TRAPPC9: variants seen among roughly 807,000 people sequenced by gnomAD.
TRAPPC9 encodes IKK2 binding protein.
In TRAPPC9, 83 loss-of-function variants were observed where a neutral mutation model predicts 124.0. That is an observed-to-expected ratio of 0.67 (90% CI 0.56 to 0.80). The LOEUF (loss-of-function observed/expected upper bound fraction) is 0.80. TRAPPC9 is among the 30% of genes least tolerant of loss of function. The pLI is 0.00. For missense variants in TRAPPC9, 1,302 were observed against 1,508.3 expected (o/e 0.86, Z 2.27); for synonymous variants, 638 against 617.5 (o/e 1.03, Z -0.49).
intron 18 of TRAPPC9, among the ~76,000 whole-genome samples, chr8:139,999,710 A>G (rs1350709771): frequency 6.6e-6 from 1 of 152,162 alleles, no homozygotes; most frequent in Non-Finnish European, 1.5e-5. Flanking sequence ...AAAGCATACA[A>G]AGTATCTTCT....
At chr8:140,153,857 C>T (rs371690025) in intron 17 of TRAPPC9, among the ~76,000 whole-genome samples, 4 of 152,112 alleles carry the variant, frequency 2.6e-5, no homozygotes, top group Non-Finnish European at 5.9e-5. Flanking sequence ...TCTCTCCATT[C>T]GCATCTTTTG....
chr8:140,306,753 C>T (rs2066149172), intron 10 of TRAPPC9, among the ~76,000 whole-genome samples: 1 of 152,218 alleles, frequency 6.6e-6, no homozygotes, highest in Non-Finnish European at 1.5e-5. Context: ...AGAGAACATG[C>T]AGTTCATAAA....
chr8:140,109,938 T>C (rs2060733124), intron 17 of TRAPPC9, among the ~76,000 whole-genome samples: 1 of 152,146 alleles, frequency 6.6e-6, no homozygotes, highest in South Asian at 2.1e-4. Context: ...ACTTAAATCC[T>C]TCATGCTGAA....
At chr8:140,388,457 G>C (rs2068822459) in intron 7 of TRAPPC9, among the ~76,000 whole-genome samples, 1 of 151,938 alleles carries the variant, frequency 6.6e-6, no homozygotes, top group Non-Finnish European at 1.5e-5. Context: ...GCCAAGGCGG[G>C]CGGATCACCT....
intron 19 of TRAPPC9, among the ~76,000 whole-genome samples, chr8:139,948,852 G>A (rs773277194): frequency 4.6e-5 from 7 of 152,136 alleles, no homozygotes; most frequent in Admixed American, 6.5e-5. Context: ...ATGAGGTGGC[G>A]GATCACTTGA....
chr8:140,159,175 T>A (rs1239012887), intron 17 of TRAPPC9, among the ~76,000 whole-genome samples: 2 of 152,204 alleles, frequency 1.3e-5, no homozygotes, highest in Admixed American at 6.5e-5. Context: ...TTCCTCTGCC[T>A]TTTTCTTTTG....
intron 21 of TRAPPC9, among the ~76,000 whole-genome samples, chr8:139,804,629 G>A (rs190736691): frequency 0.01 from 346 of 34,554 alleles, 21 homozygotes; most frequent in African/African-American, 0.049. Flanking sequence ...ACCCACCACC[G>A]CCACCAAGCA....
intron 9 of TRAPPC9, among the ~76,000 whole-genome samples, chr8:140,335,684 G>C (rs1476593858): frequency 6.7e-6 from 1 of 149,244 alleles, no homozygotes; most frequent in Non-Finnish European, 1.5e-5. Context: ...TCACTCTTAA[G>C]TCCCATCATA....
At position 140,311,406 on chromosome 8, in the gene TRAPPC9, T is replaced by C. The variant is rs557800955; in HGVS notation, c.1496-32A>G. 31 of 1,610,494 alleles carry C rather than the reference T, an allele frequency of 1.9e-5. 1 individual carries two copies. In the South Asian group the frequency reaches 3.3e-4, roughly 17 times the overall value. ...AGAAGATGAAAACAAAATAAAGATG[T>C]ATTAGGCAAAAGTCAAAGTGGCTGG... On this transcript the variant is annotated intron_variant, in intron 9 of 22. Transcript: ENST00000438773.
At chr8:140,266,832 C>T (rs2064681555) in intron 15 of TRAPPC9, among the ~76,000 whole-genome samples, 1 of 152,010 alleles carries the variant, frequency 6.6e-6, no homozygotes, top group Admixed American at 6.5e-5. Context: ...TGCACTCCAG[C>T]CTGGGCGACA....
chr8:139,922,725 C>T (rs1417058412), intron 19 of TRAPPC9, among the ~76,000 whole-genome samples: 1 of 152,164 alleles, frequency 6.6e-6, no homozygotes, highest in East Asian at 1.9e-4. Flanking sequence ...ATCTGAGGTT[C>T]CCAAGGAAAA....
intron 21 of TRAPPC9, among the ~76,000 whole-genome samples, chr8:139,865,849 A>G (rs1828493225): frequency 6.6e-6 from 1 of 152,216 alleles, no homozygotes; most frequent in Admixed American, 6.5e-5. Flanking sequence ...ATGAGTGACC[A>G]TGGCTCGTGA....
chr8:139,744,352 C>T (rs1818752996), intron 21 of TRAPPC9, among the ~76,000 whole-genome samples: 2 of 149,992 alleles, frequency 1.3e-5, no homozygotes. Flanking sequence ...CACCCCTGCT[C>T]CTTTCCACCA....
chr8:139,865,377 A>C (rs2131002758), intron 21 of TRAPPC9, among the ~76,000 whole-genome samples: 1 of 152,324 alleles, frequency 6.6e-6, no homozygotes, highest in South Asian at 2.1e-4. Flanking sequence ...TATTTGTTGA[A>C]GGCTTACTAT....
At chr8:139,757,521 G>C (rs138148101) in intron 21 of TRAPPC9, among the ~76,000 whole-genome samples, 2,122 of 151,816 alleles carry the variant, frequency 0.014, 34 homozygotes, top group South Asian at 0.069. Context: ...AGGAGCCAGG[G>C]TTTGGGTATG....
intron 11 of TRAPPC9, among the ~76,000 whole-genome samples, chr8:140,299,186 T>C (rs1188869248): frequency 6.6e-6 from 1 of 152,186 alleles, no homozygotes; most frequent in Non-Finnish European, 1.5e-5. Context: ...CCCAAAGCCC[T>C]GGGCTTGGAA....
At chr8:139,762,008 G>A (rs779415613) in intron 21 of TRAPPC9, among the ~76,000 whole-genome samples, 4 of 151,630 alleles carry the variant, frequency 2.6e-5, no homozygotes, top group South Asian at 4.2e-4. Context: ...GGATCTATAG[G>A]TGTCCCTCTA....
intron 21 of TRAPPC9, among the ~76,000 whole-genome samples, chr8:139,806,570 C>T (rs988382661): frequency 2.0e-5 from 3 of 152,224 alleles, no homozygotes; most frequent in East Asian, 1.9e-4. Flanking sequence ...GTACCTGAAC[C>T]GGGAGGCATC....
chr8:140,354,401 A>G (rs1188513104), intron 9 of TRAPPC9, among the ~76,000 whole-genome samples: 1 of 152,212 alleles, frequency 6.6e-6, no homozygotes, highest in African/African-American at 2.4e-5. Context: ...AGATTCCACA[A>G]ATCATCAGGG....
Sources: gnomAD v4.1 joint callset for allele counts (sites outside exome capture counted in the v4.1 genomes callset) on GRCh38, gnomAD v4.1.1 for gene constraint, MANE v1.5 for transcripts, NCBI Gene and HGNC (gene_info 2026-07-23, HGNC 2026-07-21) for gene names.